MAST2: variants seen among roughly 807,000 people sequenced by gnomAD.
The protein encoded by MAST2 is microtubule associated serine/threonine kinase 2.
In MAST2, 70 loss-of-function variants were observed where a neutral mutation model predicts 147.4. That is an observed-to-expected ratio of 0.47 (90% CI 0.39 to 0.58). The LOEUF (loss-of-function observed/expected upper bound fraction) is 0.58. MAST2 is among the 20% of genes least tolerant of loss of function. The pLI is 0.00. For missense variants in MAST2, 2,080 were observed against 2,302.3 expected, an observed-to-expected ratio of 0.90 and a Z score of 1.98; for synonymous variants, 869 against 896.8, an observed-to-expected ratio of 0.97 and a Z score of 0.55.
chr1:45,872,166 A>AGT (rs1008465896), intron 3 of MAST2, among the ~76,000 whole-genome samples: 1 of 152,108 alleles, frequency 6.6e-6, no homozygotes, highest in African/African-American at 2.4e-5. Flanking sequence ...CTGCTACTGC[A>AGT]GTAGGGATCA....
chr1:45,835,216 A>G (rs894826070), intron 3 of MAST2, among the ~76,000 whole-genome samples: 4 of 152,092 alleles, frequency 2.6e-5, no homozygotes, highest in South Asian at 2.1e-4. Context: ...AGTAGTATAT[A>G]TACTACATAC....
At chr1:45,804,131 C>A (rs1644068832) in intron 1 of MAST2, 59 bp downstream of exon 1, 3 of 1,254,298 alleles carry the variant, frequency 2.4e-6, no homozygotes, top group Non-Finnish European at 3.0e-6. Flanking sequence ...GGGAGGGGAT[C>A]TTCGGCGGGA....
chr1:46,033,321 C>T (rs1557520188), intron 26 of MAST2, among the ~76,000 whole-genome samples: 1 of 151,594 alleles, frequency 6.6e-6, no homozygotes, highest in East Asian at 1.9e-4. Flanking sequence ...TGCCTGTAAT[C>T]CCAGCTACTT....
Position 45,837,873 on chromosome 1 carries a change from G to A in MAST2, c.468+8292G>A, listed in dbSNP as rs552085754. On this transcript the variant is annotated intron_variant, in intron 3 of 28. Coordinates refer to ENST00000361297, the MANE Select transcript of MAST2 (RefSeq NM_015112.3). Reference sequence around the variant, plus strand: ...GGCTCATTGCAACTTCCACCTCCCGGGTTCAAGCCATTCTCCTCCCTCAGC... The same window carrying A: ...GGCTCATTGCAACTTCCACCTCCCGAGTTCAAGCCATTCTCCTCCCTCAGC... Among the ~76,000 whole-genome samples the A allele has an allele frequency of 7.9e-5, 12 of 152,188 alleles. No individual in the cohort carries two copies. The South Asian group carries it at 2.3e-3, about 29-fold the overall frequency.
At chr1:45,933,940 CA>C (rs1570792627) in intron 4 of MAST2, among the ~76,000 whole-genome samples, 2 of 148,594 alleles carry the variant, frequency 1.3e-5, no homozygotes, top group African/African-American at 5.0e-5. Flanking sequence ...GCTTTAGGGT[CA>C]GGGGGTATTG....
chr1:46,034,714 A>T lies in MAST2; in HGVS notation c.4045A>T (p.Thr1349Ser), dbSNP rs752843112. ...GSIPLSPLAHTPSPPPPTASP... is the reference protein window; with the variant it reads ...GSIPLSPLAHSPSPPPPTASP... ...CATCCCACTGTCACCACTGGCCCAC[A>T]CCCCTTCTCCCCCACCCCCAACAGC... Residue 1349 changes from threonine to serine, a missense_variant, in exon 29 of 29, where the codon ACC becomes TCC. Thr to Ser is a moderately conservative substitution (Grantham distance 58). Coordinates refer to ENST00000361297, the MANE Select transcript of MAST2 (RefSeq NM_015112.3). 1.9e-6 allele frequency: 3 copies of T among 1,612,840 alleles called. No individual in the cohort carries two copies. The African/African-American group carries it at 4.0e-5, about 22-fold the overall frequency.
chr1:45,970,667 C>CAAAAAAAAAAAAA (rs754544108), intron 5 of MAST2, among the ~76,000 whole-genome samples: 1 of 72,432 alleles, frequency 1.4e-5, no homozygotes, highest in Non-Finnish European at 2.5e-5. Context: ...GACTCTGTCT[C>CAAAAAAAAAAAAA]AAAAAAAAAA....
At position 46,025,661 on chromosome 1, in the gene MAST2, C is replaced by A; in HGVS notation, c.1781-16C>A. The stretch of plus-strand genomic sequence containing the variant: ...GAACTGAATCCTTTCCTCATGGTAG[C>A]CTGGGCTTGTTGCAGGGGGAGACTG... On this transcript the variant is annotated splice_polypyrimidine_tract_variant and intron_variant, in intron 15 of 28. Coordinates refer to ENST00000361297, the MANE Select transcript of MAST2 (RefSeq NM_015112.3). The A allele has an allele frequency of 2.5e-6, 4 of 1,613,858 alleles. No individual in the cohort carries two copies. Among genetic ancestry groups the A allele is most frequent in the Non-Finnish European group, 3.4e-6 (4 of 1,180,010 alleles).
At chr1:45,824,967 A>G (rs1372673846) in intron 2 of MAST2, among the ~76,000 whole-genome samples, 2 of 152,276 alleles carry the variant, frequency 1.3e-5, no homozygotes, top group Non-Finnish European at 2.9e-5. Flanking sequence ...GGAAAAAATT[A>G]TACGAAGAAG....
At chr1:45,883,380 G>C (rs542427925) in intron 4 of MAST2, among the ~76,000 whole-genome samples, 1 of 152,088 alleles carries the variant, frequency 6.6e-6, no homozygotes, top group African/African-American at 2.4e-5. Context: ...TTCCTCTGAG[G>C]TTTTTGTGAA....
chr1:45,861,208 C>T (rs1050705931), intron 3 of MAST2, among the ~76,000 whole-genome samples: 1 of 152,110 alleles, frequency 6.6e-6, no homozygotes, highest in Admixed American at 6.6e-5. Flanking sequence ...AAATTGTTTG[C>T]CCCATTTTTG....
At chr1:45,923,128 T>G (rs2148657908) in intron 4 of MAST2, among the ~76,000 whole-genome samples, 1 of 152,304 alleles carries the variant, frequency 6.6e-6, no homozygotes, top group Admixed American at 6.5e-5. Flanking sequence ...AGTGCCCCTC[T>G]CTGCCTGTTC....
chr1:45,947,734 TG>T (rs541994676), intron 4 of MAST2, among the ~76,000 whole-genome samples: 114 of 152,366 alleles, frequency 7.5e-4, no homozygotes, highest in Admixed American at 1.4e-3. Context: ...TTTATTTTTT[TG>T]AGACGGAGTC....
chr1:45,875,247 A>G (rs1199543972), intron 3 of MAST2, among the ~76,000 whole-genome samples: 1 of 152,158 alleles, frequency 6.6e-6, no homozygotes, highest in Non-Finnish European at 1.5e-5. Flanking sequence ...GGAGTTCGAG[A>G]CCAGCCTTAC....
intron 4 of MAST2, among the ~76,000 whole-genome samples, chr1:45,920,145 G>A (rs1047377309): frequency 2.6e-5 from 4 of 152,144 alleles, no homozygotes; most frequent in African/African-American, 7.2e-5. Context: ...ATGGGAGCAT[G>A]AACGATTCTG....
rs1647023998 is a variant in MAST2, at chr1:45,885,099, TG to T, written c.500+2705del. ...TGTGGAAAAACTGATGTTAATAAAA[TG>T]AGTGACTTACCATTTGCTCCACTGT... is the stretch of plus-strand genomic sequence containing the variant. On this transcript the variant is annotated intron_variant, in intron 4 of 28. Coordinates refer to ENST00000361297, the MANE Select transcript of MAST2 (RefSeq NM_015112.3). Among the ~76,000 whole-genome samples, 3 of 152,206 alleles carry T rather than the reference TG, an allele frequency of 2.0e-5. No individual in the cohort carries two copies. In the South Asian group the frequency reaches 6.2e-4, roughly 32 times the overall value.
chr1:45,979,795 C>T (rs1269724519), intron 5 of MAST2, among the ~76,000 whole-genome samples: 1 of 152,048 alleles, frequency 6.6e-6, no homozygotes, highest in Non-Finnish European at 1.5e-5. Flanking sequence ...ATGCCTGCAC[C>T]ACTGCACTCC....
intron 5 of MAST2, among the ~76,000 whole-genome samples, chr1:45,966,596 C>T (rs1308500614): frequency 1.3e-5 from 2 of 152,040 alleles, no homozygotes; most frequent in Non-Finnish European, 2.9e-5. Context: ...GTGGTGTGCA[C>T]CTGTAATCCC....
chr1:45,824,678 GGTA>G (rs1644736859), intron 2 of MAST2, 98 bp downstream of exon 2: 4 of 1,272,090 alleles, frequency 3.1e-6, no homozygotes, highest in Non-Finnish European at 4.3e-6. Context: ...TTTCTTCTCT[GGTA>G]GTAGTCTTGT....
Sources: gnomAD v4.1 joint callset for allele counts (sites outside exome capture counted in the v4.1 genomes callset) on GRCh38, gnomAD v4.1.1 for gene constraint, MANE v1.5 for transcripts, NCBI Gene and HGNC (gene_info 2026-07-23, HGNC 2026-07-21) for gene names.